The following IQCJ variants were observed in gnomAD, a reference collection of about 807,000 sequenced individuals.
IQCJ encodes IQ motif containing J.
Under a neutral mutation model 11.0 loss-of-function variants are expected in IQCJ, and 9 were observed. That is an observed-to-expected ratio of 0.82 (90% CI 0.49 to 1.43). The LOEUF (loss-of-function observed/expected upper bound fraction) is 1.43, where lower values mean the gene tolerates loss of function less well. Ranked by LOEUF, IQCJ falls within the 40% of genes most tolerant of loss-of-function variation. The pLI, the probability that IQCJ is intolerant of heterozygous loss-of-function variation, is 0.00. For synonymous variants in IQCJ, 55 were observed against 51.3 expected (o/e 1.07, Z -0.31); for missense variants, 146 against 133.2 (o/e 1.10, Z -0.47).
intron 1 of IQCJ, among the ~76,000 whole-genome samples, chr3:159,242,878 T>C (rs1334660446): frequency 6.6e-6 from 1 of 152,122 alleles, no homozygotes; most frequent in African/African-American, 2.4e-5. Flanking sequence ...AATATATTGA[T>C]TGGGAAGAAA....
chr3:159,220,585 A>C (rs1725477455), intron 1 of IQCJ, among the ~76,000 whole-genome samples: 2 of 152,262 alleles, frequency 1.3e-5, no homozygotes, highest in South Asian at 4.1e-4. Flanking sequence ...ATATTTTGTT[A>C]TAGCAGCTCT....
At chr3:159,212,541 T>C (rs1422068440) in intron 1 of IQCJ, among the ~76,000 whole-genome samples, 3 of 152,196 alleles carry the variant, frequency 2.0e-5, no homozygotes, top group African/African-American at 4.8e-5. Flanking sequence ...TTCCAGGCTA[T>C]CATGGGGCAT....
intron 1 of IQCJ, among the ~76,000 whole-genome samples, chr3:159,078,575 T>G (rs1716100492): frequency 6.8e-6 from 1 of 147,742 alleles, no homozygotes; most frequent in African/African-American, 2.5e-5. Context: ...CCACCAGCAG[T>G]CAAGGGCATG....
At chr3:159,164,186 T>C (rs1035009040) in intron 1 of IQCJ, among the ~76,000 whole-genome samples, 26 of 152,292 alleles carry the variant, frequency 1.7e-4, no homozygotes, top group African/African-American at 5.8e-4. Context: ...AAATGAGTCA[T>C]GTCAAAAGGT....
intron 1 of IQCJ, among the ~76,000 whole-genome samples, chr3:159,236,083 T>G (rs1726565515): frequency 6.6e-6 from 1 of 152,154 alleles, no homozygotes; most frequent in Non-Finnish European, 1.5e-5. Flanking sequence ...CATGTATGCT[T>G]CATGTGACCA....
At chr3:159,245,137 G>A (rs1191168665) in intron 1 of IQCJ, among the ~76,000 whole-genome samples, 1 of 152,120 alleles carries the variant, frequency 6.6e-6, no homozygotes. Flanking sequence ...GTGTGTCTGA[G>A]CACGTGGGCT....
chr3:159,083,109 T>C (rs1483598152), intron 1 of IQCJ, among the ~76,000 whole-genome samples: 1 of 152,090 alleles, frequency 6.6e-6, no homozygotes, highest in Non-Finnish European at 1.5e-5. Context: ...AACTGTCAAA[T>C]TGGACATTAT....
In IQCJ at chr3:159,191,831, C is replaced by T. The variant is rs144118370; in HGVS notation, c.10-54012C>T. On this transcript the variant is annotated intron_variant, in intron 1 of 3. Coordinates refer to ENST00000397832, the MANE Select transcript of IQCJ (RefSeq NM_001042706.3). ...AAGGTTAAAAATTCTATTTGAGAAA[C>T]GGAGGCAGTTGGACACAAGCTCTGT... Among the ~76,000 whole-genome samples, 433 of 152,302 alleles carry T rather than the reference C, an allele frequency of 2.8e-3. 6 individuals carry two copies. The highest frequency in any genetic ancestry group is 0.022 in the East Asian group (113 of 5,178).
intron 1 of IQCJ, among the ~76,000 whole-genome samples, chr3:159,116,638 A>ATG (rs1719027249): frequency 3.0e-5 from 1 of 32,826 alleles, no homozygotes; most frequent in East Asian, 1.8e-3. Flanking sequence ...ATATATATAT[A>ATG]TATATATATA....
intron 1 of IQCJ, among the ~76,000 whole-genome samples, chr3:159,137,001 C>T (rs1329867866): frequency 2.0e-5 from 3 of 152,128 alleles, no homozygotes; most frequent in African/African-American, 2.4e-5. Flanking sequence ...CAGTGACTCA[C>T]GCCTGTAATC....
chr3:159,141,032 A>G (rs1366112694), intron 1 of IQCJ, among the ~76,000 whole-genome samples: 1 of 152,220 alleles, frequency 6.6e-6, no homozygotes, highest in East Asian at 1.9e-4. Flanking sequence ...AAACAGTGAA[A>G]GAGTAAACAG....
chr3:159,254,972 T>C (rs1461965016), intron 3 of IQCJ, among the ~76,000 whole-genome samples: 1 of 152,252 alleles, frequency 6.6e-6, no homozygotes, highest in Admixed American at 6.5e-5. Context: ...CTTTGCCCCA[T>C]GATGCACCAA....
chr3:159,221,194 A>C (rs981708274), intron 1 of IQCJ, among the ~76,000 whole-genome samples: 2 of 152,164 alleles, frequency 1.3e-5, no homozygotes, highest in South Asian at 2.1e-4. Context: ...TCAAATGTCC[A>C]CCATTCTATG....
chr3:159,251,949 C>T (rs1727625775), intron 2 of IQCJ, among the ~76,000 whole-genome samples: 1 of 152,180 alleles, frequency 6.6e-6, no homozygotes. Context: ...CATTATGAGA[C>T]CAGTAACTAT....
At chr3:159,069,667 T>C in intron 1 of IQCJ, 1 of 630,352 alleles carries the variant, frequency 1.6e-6, no homozygotes, top group South Asian at 1.9e-5. Context: ...CATGTGTCTG[T>C]GCGGACAGAT....
chr3:159,238,959 C>T (rs1178103958), intron 1 of IQCJ, among the ~76,000 whole-genome samples: 1 of 152,116 alleles, frequency 6.6e-6, no homozygotes, highest in East Asian at 1.9e-4. Context: ...AGAAAAATGG[C>T]ATTGTCTTCT....
rs1303760735 is a variant in IQCJ at position 159,089,548 on chromosome 3, C to T, written c.9+20107C>T. 8.6e-5 allele frequency among the ~76,000 whole-genome samples: 13 copies of T among 152,042 alleles called. 1 individual carries two copies. The highest frequency in any genetic ancestry group is 3.1e-4 in the African/African-American group (13 of 41,276). ...TTGGTTCCATTCTCCCCGTCACTTT[C>T]AGGTACACCAATCAGATGAAGATTT... On this transcript the variant is annotated intron_variant, in intron 1 of 3. Coordinates refer to ENST00000397832, the MANE Select transcript of IQCJ (RefSeq NM_001042706.3).
chr3:159,262,540 T>G lies in IQCJ; in HGVS notation c.156-8T>G. The G allele has an allele frequency of 6.2e-7, 1 of 1,611,334 alleles. No homozygotes were observed. The highest frequency in any genetic ancestry group is 8.5e-7 in the Non-Finnish European group (1 of 1,178,142). On this transcript the variant is annotated splice_region_variant and splice_polypyrimidine_tract_variant and intron_variant, in intron 3 of 3. Coordinates refer to ENST00000397832, the MANE Select transcript of IQCJ (RefSeq NM_001042706.3). ...TGTGCTGTTTTTTGTTTTGTTTTGT[T>G]TTTTCAGCATTCAGCGAGCATGGCG...
At chr3:159,156,187 G>A (rs139215856) in intron 1 of IQCJ, among the ~76,000 whole-genome samples, 3 of 152,300 alleles carry the variant, frequency 2.0e-5, no homozygotes, top group African/African-American at 7.2e-5. Flanking sequence ...TGCTATGCTA[G>A]ATCTTGGAGA....
Sources: gnomAD v4.1 joint callset for allele counts (sites outside exome capture counted in the v4.1 genomes callset) on GRCh38, gnomAD v4.1.1 for gene constraint, MANE v1.5 for transcripts, NCBI Gene and HGNC (gene_info 2026-07-23, HGNC 2026-07-21) for gene names.